The following PARD3B variants were observed in gnomAD, a reference collection of about 807,000 sequenced individuals.
PARD3B encodes partitioning defective 3 homolog B.
Under a neutral mutation model 130.2 loss-of-function variants are expected in PARD3B, and 103 were observed. The ratio of observed to expected loss-of-function variants is 0.79; its 90% CI spans 0.67 to 0.93. PARD3B has a LOEUF of 0.93. Ranked by LOEUF, PARD3B falls within the 40% of genes least tolerant of loss-of-function variation. The probability of loss-of-function intolerance (pLI) is 0.00; values close to 1 mark genes in which losing one functional copy is unlikely to be tolerated. For missense variants in PARD3B, 1,609 were observed against 1,499.2 expected (o/e 1.07, Z -1.21); for synonymous variants, 583 against 553.2 (o/e 1.05, Z -0.76).
chr2:205,009,069 A>G (rs1695501669), intron 3 of PARD3B, among the ~76,000 whole-genome samples: 1 of 152,226 alleles, frequency 6.6e-6, no homozygotes, highest in Non-Finnish European at 1.5e-5. Context: ...TGCTAAATGT[A>G]TTTATATGAA....
intron 2 of PARD3B, among the ~76,000 whole-genome samples, chr2:204,888,373 A>T (rs2046333077): frequency 6.9e-6 from 1 of 145,946 alleles, no homozygotes; most frequent in South Asian, 2.1e-4. Context: ...GGAGAGAGGG[A>T]GGGAACTGTG....
At chr2:205,505,707 C>T (rs908852899) in intron 21 of PARD3B, among the ~76,000 whole-genome samples, 1 of 152,166 alleles carries the variant, frequency 6.6e-6, no homozygotes, top group Non-Finnish European at 1.5e-5. Flanking sequence ...TGACAACGGG[C>T]TGCTTTTTTC....
chr2:204,874,141 C>T (rs906998548), intron 2 of PARD3B, among the ~76,000 whole-genome samples: 1 of 152,096 alleles, frequency 6.6e-6, no homozygotes, highest in Non-Finnish European at 1.5e-5. Flanking sequence ...AAAACTCTGT[C>T]TCAAAACAAC....
intron 15 of PARD3B, among the ~76,000 whole-genome samples, chr2:205,224,722 G>C (rs2038449711): frequency 6.6e-6 from 1 of 151,880 alleles, no homozygotes; most frequent in African/African-American, 2.4e-5. Flanking sequence ...ATGACCTCCA[G>C]TTCCATCCAT....
chr2:204,890,044 CT>C lies in PARD3B; in HGVS notation c.223-75104del, dbSNP rs764971013. Among the ~76,000 whole-genome samples, 73 of 152,258 alleles carry C rather than the reference CT, an allele frequency of 4.8e-4. No individual in the cohort carries two copies. The highest frequency in any genetic ancestry group is 1.0e-3 in the Non-Finnish European group (68 of 68,002). ...GTTTTTTTCTGGAAAGTTAATTTTA[CT>C]TTTGGCATATGTTCTCTGGGACTAT... On this transcript the variant is annotated intron_variant, in intron 2 of 22. Coordinates refer to ENST00000406610, the MANE Select transcript of PARD3B (RefSeq NM_001302769.2). This position sits in a 1 kb window ranked among gnomAD's most constrained non-coding sequence, Gnocchi z 4.9.
chr2:205,379,166 T>G (rs1372157415), intron 18 of PARD3B, among the ~76,000 whole-genome samples: 2 of 152,150 alleles, frequency 1.3e-5, no homozygotes, highest in Non-Finnish European at 2.9e-5. Context: ...GCAATGGTTG[T>G]TCTCAAAGGC....
chr2:204,831,659 G>T (rs1169850318), intron 2 of PARD3B, among the ~76,000 whole-genome samples: 1 of 151,934 alleles, frequency 6.6e-6, no homozygotes, highest in Non-Finnish European at 1.5e-5. Context: ...TATATATTTG[G>T]CATCTAAAGA....
chr2:204,780,053 G>A (rs968759501), intron 2 of PARD3B, among the ~76,000 whole-genome samples: 63 of 152,286 alleles, frequency 4.1e-4, no homozygotes, highest in African/African-American at 1.4e-3. Flanking sequence ...TTCCTCTGCT[G>A]TGAGACTCCC....
chr2:205,018,432 G>T (rs78199041), intron 3 of PARD3B, among the ~76,000 whole-genome samples: 6 of 152,098 alleles, frequency 3.9e-5, no homozygotes, highest in African/African-American at 1.4e-4. Flanking sequence ...GTAGCCCTAT[G>T]ACTATAGCAA....
chr2:205,432,436 G>T (rs1348430439), intron 19 of PARD3B, among the ~76,000 whole-genome samples: 1 of 152,082 alleles, frequency 6.6e-6, no homozygotes, highest in Non-Finnish European at 1.5e-5. Context: ...GGCCCTGTTT[G>T]CCCTAAGTCC....
intron 2 of PARD3B, among the ~76,000 whole-genome samples, chr2:204,920,972 A>T (rs1330538304): frequency 6.6e-6 from 1 of 152,222 alleles, no homozygotes; most frequent in Non-Finnish European, 1.5e-5. Context: ...CTTGCAGTGC[A>T]GCTGGAATAT....
At chr2:205,075,744 C>A (rs1701014845) in intron 4 of PARD3B, among the ~76,000 whole-genome samples, 1 of 147,978 alleles carries the variant, frequency 6.8e-6, no homozygotes, top group South Asian at 2.1e-4. Flanking sequence ...TGAAAATATA[C>A]AAGACACTCC....
intron 2 of PARD3B, among the ~76,000 whole-genome samples, chr2:204,709,795 G>T (rs1335040847): frequency 1.3e-5 from 2 of 152,140 alleles, no homozygotes; most frequent in African/African-American, 2.4e-5. Context: ...AGCTTTAAGG[G>T]TCATCACACT....
chr2:205,043,441 G>C (rs1339448038), intron 3 of PARD3B, among the ~76,000 whole-genome samples: 8 of 152,182 alleles, frequency 5.3e-5, no homozygotes. Context: ...ATGAGACTGA[G>C]TCACAGAGCA....
At chr2:205,576,977 A>G (rs1448301806) in intron 22 of PARD3B, among the ~76,000 whole-genome samples, 1 of 152,122 alleles carries the variant, frequency 6.6e-6, no homozygotes, top group East Asian at 1.9e-4. Context: ...TTTCATCAGA[A>G]TTTCGTAATT....
chr2:205,469,656 T>G (rs902381527), intron 20 of PARD3B, among the ~76,000 whole-genome samples: 4 of 152,222 alleles, frequency 2.6e-5, no homozygotes, highest in Non-Finnish European at 4.4e-5. Flanking sequence ...ATTACCTTTT[T>G]GTAAATCTCT....
intron 20 of PARD3B, among the ~76,000 whole-genome samples, chr2:205,475,265 A>C (rs960161894): frequency 1.9e-4 from 29 of 152,136 alleles, no homozygotes; most frequent in Non-Finnish European, 2.9e-5. Context: ...GGACATTGCT[A>C]TGACAACCCA....
At chr2:204,715,898 C>T (rs17595379) in intron 2 of PARD3B, among the ~76,000 whole-genome samples, 4,897 of 152,128 alleles carry the variant, frequency 0.032, 230 homozygotes, top group East Asian at 0.14. Flanking sequence ...CTCTCTGCTC[C>T]GTGAAACCAG....
chr2:205,595,455 G>A lies in PARD3B; in HGVS notation c.3261-20001G>A, dbSNP rs181119602. On this transcript the variant is annotated intron_variant, in intron 22 of 22. Coordinates refer to ENST00000406610, the MANE Select transcript of PARD3B (RefSeq NM_001302769.2). ...ACTTTTAATTAATTTCTTTAAATTA[G>A]ACGACTCATACTTGTAAATATTTGC... 9.2e-5 allele frequency among the ~76,000 whole-genome samples: 14 copies of A among 152,250 alleles called. No individual in the cohort carries two copies. The East Asian group carries it at 1.9e-3, about 21-fold the overall frequency.
Sources: gnomAD v4.1 joint callset for allele counts (sites outside exome capture counted in the v4.1 genomes callset) on GRCh38, gnomAD v4.1.1 for gene constraint, Gnocchi (gnomAD v3.1) non-coding constraint, MANE v1.5 for transcripts, NCBI Gene and HGNC (gene_info 2026-07-23, HGNC 2026-07-21) for gene names.